Variants in LINGO2 observed in about 807,000 individuals in gnomAD.
LINGO2 encodes leucine rich repeat and Ig domain containing 2.
In LINGO2, 14 loss-of-function variants were observed where a neutral mutation model predicts 30.6. The observed-to-expected ratio is 0.46, with a 90% CI of 0.30 to 0.72. The LOEUF is 0.72. Among genes scored for constraint, LINGO2 ranks in the 30% least tolerant of loss-of-function variants. The pLI is 0.07. For missense variants in LINGO2, 729 were observed against 751.7 expected, an observed-to-expected ratio of 0.97 and a Z score of 0.35; for synonymous variants, 317 against 288.5, an observed-to-expected ratio of 1.10 and a Z score of -1.00.
At chr9:29,075,683 G>T in the LINGO2 span, among the ~76,000 whole-genome samples, 9 of 152,012 alleles carry the variant, frequency 5.9e-5, no homozygotes, top group Admixed American at 2.0e-4. Context: ...GTTTTAAGAG[G>T]AAAAGAGGCA....
intron 4 of LINGO2, among the ~76,000 whole-genome samples, chr9:28,168,804 A>T (rs536849099): frequency 1.3e-5 from 2 of 152,358 alleles, no homozygotes; most frequent in East Asian, 3.9e-4. Flanking sequence ...AAAATAGCTG[A>T]TAAATGCAGC....
exon 6 of LINGO2, chr9:27,950,131 G>T (rs539638803): frequency 6.2e-7 from 1 of 1,614,060 alleles, no homozygotes; most frequent in African/African-American, 1.3e-5. Flanking sequence ...AGGGTGAGCT[G>T]CTCCAAGCTA....
At chr9:29,037,205 C>T in the LINGO2 span, among the ~76,000 whole-genome samples, 3 of 151,810 alleles carry the variant, frequency 2.0e-5, no homozygotes, top group South Asian at 2.1e-4. Context: ...TCCTAACACA[C>T]TAAGCAGGAA....
the LINGO2 span, among the ~76,000 whole-genome samples, chr9:28,678,150 A>AG: frequency 3.7e-3 from 560 of 151,712 alleles, 6 homozygotes; most frequent in African/African-American, 0.013. Flanking sequence ...TATTAAAAAA[A>AG]AAAAAAAAAC....
the LINGO2 span, among the ~76,000 whole-genome samples, chr9:29,210,375 T>C: frequency 1.3e-5 from 2 of 152,182 alleles, no homozygotes; most frequent in African/African-American, 2.4e-5. Context: ...CTTTCAGAAA[T>C]ACATTTGAGC....
At chr9:28,022,361 G>C (rs914373156) in intron 4 of LINGO2, among the ~76,000 whole-genome samples, 1 of 151,934 alleles carries the variant, frequency 6.6e-6, no homozygotes, top group East Asian at 1.9e-4. Flanking sequence ...ATTAAGATTA[G>C]AAGTAAGAAA....
Position 28,148,358 on chromosome 9 carries a change from C to T in LINGO2, c.-86-135953G>A. 9.7e-7 allele frequency: 1 copy of T among 1,030,730 alleles called. No homozygotes were observed. Among genetic ancestry groups the T allele is most frequent in the South Asian group, 1.4e-5 (1 of 73,872 alleles). The allele number at this position is 1,030,730 out of a possible 1,614,324, so 63.8% of individuals were successfully genotyped here. A position where few individuals can be genotyped will look rare whatever the true frequency, so the allele number is the denominator to read the frequency against. ...ACACCTCAGCCCCGTGAGGATTCCTCATCTCAGAGGCAAGTTTAACCTTCA... is the reference window on the plus strand; with the variant it reads ...ACACCTCAGCCCCGTGAGGATTCCTTATCTCAGAGGCAAGTTTAACCTTCA... On this transcript the variant is annotated intron_variant, in intron 4 of 5. Transcript: ENST00000379992. This position sits in a 1 kb window ranked among gnomAD's most constrained non-coding sequence, Gnocchi z 5.1.
intron 1 of LINGO2, among the ~76,000 whole-genome samples, chr9:28,533,220 T>G (rs1821302651): frequency 6.6e-6 from 1 of 152,134 alleles, no homozygotes; most frequent in Non-Finnish European, 1.5e-5. Context: ...AACATCAGAC[T>G]CCAAGATCTT....
chr9:28,232,289 C>G (rs1821384572), intron 4 of LINGO2, among the ~76,000 whole-genome samples: 1 of 151,866 alleles, frequency 6.6e-6, no homozygotes, highest in Non-Finnish European at 1.5e-5. Context: ...ATTTCAGCTA[C>G]TCGAGAAGCT....
chr9:27,966,751 A>T (rs1217544922), intron 5 of LINGO2, among the ~76,000 whole-genome samples: 2 of 152,112 alleles, frequency 1.3e-5, no homozygotes, highest in Admixed American at 6.6e-5. Flanking sequence ...AAAAAGAAAA[A>T]AAATAAATAT....
chr9:29,018,043 G>C, the LINGO2 span, among the ~76,000 whole-genome samples: 2 of 145,718 alleles, frequency 1.4e-5, no homozygotes, highest in Admixed American at 6.9e-5. Context: ...TATAGAGAGA[G>C]AGAGATCTAT....
intron 1 of LINGO2, among the ~76,000 whole-genome samples, chr9:28,534,568 T>C (rs1452707359): frequency 3.3e-5 from 5 of 152,190 alleles, no homozygotes; most frequent in Admixed American, 1.3e-4. Context: ...TCTTAGCTCA[T>C]TTTCTTTCTA....
At chr9:28,222,767 G>T (rs573971551) in intron 4 of LINGO2, among the ~76,000 whole-genome samples, 1 of 152,210 alleles carries the variant, frequency 6.6e-6, no homozygotes, top group Non-Finnish European at 1.5e-5. Context: ...AGAAATGAAG[G>T]TAAGTCAAAT....
chr9:29,175,558 G>C, the LINGO2 span, among the ~76,000 whole-genome samples: 2 of 124,814 alleles, frequency 1.6e-5, no homozygotes, highest in Admixed American at 1.0e-4. Context: ...ACGGAGTCTC[G>C]TTCTGTCACC....
chr9:28,260,944 T>C (rs1349236249), intron 4 of LINGO2, among the ~76,000 whole-genome samples: 2 of 151,978 alleles, frequency 1.3e-5, no homozygotes, highest in Non-Finnish European at 2.9e-5. Context: ...ACAATCTTTG[T>C]GTCACCATCA....
intron 4 of LINGO2, among the ~76,000 whole-genome samples, chr9:28,239,731 G>A (rs867395954): frequency 6.6e-6 from 1 of 152,134 alleles, no homozygotes; most frequent in South Asian, 2.1e-4. Flanking sequence ...AATACTACAA[G>A]ATTGCTCACT....
At chr9:28,760,659 C>T in the LINGO2 span, among the ~76,000 whole-genome samples, 1 of 151,722 alleles carries the variant, frequency 6.6e-6, no homozygotes, top group African/African-American at 2.4e-5. Context: ...CGCCCCCCTA[C>T]TCTTCCCCTC....
the LINGO2 span, among the ~76,000 whole-genome samples, chr9:28,756,668 C>T: frequency 6.6e-6 from 1 of 151,800 alleles, no homozygotes; most frequent in Non-Finnish European, 1.5e-5. Flanking sequence ...GGTTGGTTTC[C>T]CCCATGCTGT....
chr9:28,119,840 A>G lies in LINGO2; in HGVS notation c.-86-107435T>C, dbSNP rs562571646. ...CCTTAGAACTATAGGTAAATGCACT[A>G]TGAAAAATAAACAAGCACAAAAACA... On this transcript the variant is annotated intron_variant, in intron 4 of 5. Transcript: ENST00000379992. 1.6e-4 allele frequency among the ~76,000 whole-genome samples: 24 copies of G among 152,310 alleles called. No homozygotes were observed. In the East Asian group the frequency reaches 1.7e-3, roughly 11 times the overall value.
Sources: gnomAD v4.1 joint callset for allele counts (sites outside exome capture counted in the v4.1 genomes callset) on GRCh38, gnomAD v4.1.1 for gene constraint, Gnocchi (gnomAD v3.1) non-coding constraint, MANE v1.5 for transcripts, NCBI Gene and HGNC (gene_info 2026-07-23, HGNC 2026-07-21) for gene names.